Variants in PCED1B observed in about 807,000 individuals in gnomAD.
PCED1B encodes the protein PC-esterase domain containing 1B.
For synonymous variants in PCED1B, 251 were observed against 246.1 expected (o/e 1.02, Z -0.19); for missense variants, 573 against 573.9 (o/e 1.00, Z 0.02).
At chr12:47,155,574 A>C (rs946888962) in intron 2 of PCED1B, among the ~76,000 whole-genome samples, 1 of 152,220 alleles carries the variant, frequency 6.6e-6, no homozygotes, top group African/African-American at 2.4e-5. Flanking sequence ...CCACATATAC[A>C]TTCATTATTT....
intron 2 of PCED1B, among the ~76,000 whole-genome samples, chr12:47,152,874 G>T (rs913337287): frequency 1.1e-4 from 16 of 151,760 alleles, no homozygotes; most frequent in Middle Eastern, 3.2e-3. Context: ...GGTGGAGGTT[G>T]CAGTAAGCCT....
intron 3 of PCED1B, among the ~76,000 whole-genome samples, chr12:47,220,178 A>T (rs988322859): frequency 3.3e-5 from 5 of 151,554 alleles, no homozygotes; most frequent in African/African-American, 1.2e-4. Flanking sequence ...ATTTATTTTT[A>T]ATTTATTTTT....
chr12:47,230,064 G>A (rs960353706), intron 3 of PCED1B, among the ~76,000 whole-genome samples: 35 of 141,668 alleles, frequency 2.5e-4, no homozygotes, highest in African/African-American at 9.3e-4. Context: ...GTGAGCCACT[G>A]CACTCAGCAA....
intron 2 of PCED1B, among the ~76,000 whole-genome samples, chr12:47,153,245 G>A (rs1565570724): frequency 6.6e-6 from 1 of 151,376 alleles, no homozygotes. Flanking sequence ...AGCTACTTGG[G>A]AGGCTGAGGC....
chr12:47,206,932 TCTTGC>T (rs1279075909), intron 2 of PCED1B, among the ~76,000 whole-genome samples: 1 of 152,222 alleles, frequency 6.6e-6, no homozygotes, highest in Non-Finnish European at 1.5e-5. Flanking sequence ...CAGCATTTGC[TCTTGC>T]CTTAGGTAAA....
intron 3 of PCED1B, among the ~76,000 whole-genome samples, chr12:47,234,724 A>G (rs1943917175): frequency 6.6e-6 from 1 of 152,126 alleles, no homozygotes; most frequent in African/African-American, 2.4e-5. Context: ...GCTCCTCCCC[A>G]CCAGGTGGAA....
At chr12:47,178,106 C>T (rs898329293) in intron 2 of PCED1B, among the ~76,000 whole-genome samples, 6 of 152,088 alleles carry the variant, frequency 3.9e-5, no homozygotes, top group Non-Finnish European at 8.8e-5. Context: ...GCCCACATGA[C>T]CAAGAGTAGC....
chr12:47,184,129 G>C (rs1441213591), intron 2 of PCED1B, among the ~76,000 whole-genome samples: 1 of 151,988 alleles, frequency 6.6e-6, no homozygotes, highest in Non-Finnish European at 1.5e-5. Context: ...CTCCCACCTT[G>C]GCCCTCCCAA....
chr12:47,234,091 C>A (rs1433170578), intron 3 of PCED1B, among the ~76,000 whole-genome samples: 1 of 152,208 alleles, frequency 6.6e-6, no homozygotes, highest in Non-Finnish European at 1.5e-5. Context: ...TGGGTCCAAG[C>A]AATTCTCCTG....
At position 47,235,264 on chromosome 12, in the gene PCED1B, G is replaced by A; in HGVS notation, c.201G>A (p.Arg67=). The A allele has an allele frequency of 6.2e-7, 1 of 1,614,080 alleles. No individual in the cohort carries two copies. The highest frequency in any genetic ancestry group is 1.1e-5 in the South Asian group (1 of 91,088). ...EQDELVDGGQ[R]GHMHNGLNYR... Reference sequence around the variant, plus strand: ...ATGAGCTGGTGGACGGAGGCCAGCGGGGCCACATGCACAACGGCCTTAACT... The same window carrying A: ...ATGAGCTGGTGGACGGAGGCCAGCGAGGCCACATGCACAACGGCCTTAACT... The change falls in exon 4 of 4, where the codon CGG becomes CGA. Residue 67 remains arginine, a synonymous_variant. Transcript: ENST00000546455.
intron 2 of PCED1B, among the ~76,000 whole-genome samples, chr12:47,125,204 T>G (rs866594809): frequency 6.6e-6 from 1 of 152,054 alleles, no homozygotes; most frequent in African/African-American, 2.4e-5. Context: ...GCCCAAGGTA[T>G]GGAGAGTCAT....
At chr12:47,120,985 G>A (rs74589856) in intron 2 of PCED1B, among the ~76,000 whole-genome samples, 7 of 152,198 alleles carry the variant, frequency 4.6e-5, no homozygotes, top group Non-Finnish European at 7.4e-5. Flanking sequence ...CTGCCTAGGG[G>A]TGGAAAAAAT....
At chr12:47,136,184 T>C (rs527853423) in intron 2 of PCED1B, among the ~76,000 whole-genome samples, 5 of 151,974 alleles carry the variant, frequency 3.3e-5, no homozygotes, top group African/African-American at 4.8e-5. Flanking sequence ...CCATTTGTAC[T>C]TTTGCTCTGT....
intron 2 of PCED1B, among the ~76,000 whole-genome samples, chr12:47,196,771 G>A (rs963587104): frequency 6.6e-6 from 1 of 152,012 alleles, no homozygotes; most frequent in African/African-American, 2.4e-5. Flanking sequence ...GTTGCAGTGA[G>A]CCAAGATCGT....
chr12:47,224,705 C>T (rs2137856104), intron 3 of PCED1B, among the ~76,000 whole-genome samples: 1 of 152,232 alleles, frequency 6.6e-6, no homozygotes, highest in East Asian at 1.9e-4. Context: ...GGCGTGGTTT[C>T]ATGATGCGGG....
intron 1 of PCED1B, among the ~76,000 whole-genome samples, chr12:47,089,135 A>G (rs928287960): frequency 6.6e-6 from 1 of 152,016 alleles, no homozygotes; most frequent in East Asian, 1.9e-4. Context: ...TTACACATGG[A>G]GAGGGACTTA....
At chr12:47,146,614 C>G (rs1161202756) in intron 2 of PCED1B, among the ~76,000 whole-genome samples, 1 of 152,202 alleles carries the variant, frequency 6.6e-6, no homozygotes, top group Non-Finnish European at 1.5e-5. Context: ...AAGATTACAG[C>G]TTGCCAATGG....
intron 2 of PCED1B, chr12:47,135,720 G>A (rs1025117188): frequency 1.3e-5 from 7 of 531,734 alleles, no homozygotes; most frequent in Non-Finnish European, 2.7e-5. Context: ...GTTGAATAGG[G>A]ACCAGACGAC....
At chr12:47,207,931 C>T (rs1942959461) in intron 2 of PCED1B, among the ~76,000 whole-genome samples, 1 of 152,150 alleles carries the variant, frequency 6.6e-6, no homozygotes, top group Non-Finnish European at 1.5e-5. Flanking sequence ...TTACTTCCTC[C>T]TGAAATTTAA....
Sources: allele counts gnomAD v4.1 joint callset (sites outside exome capture counted in the v4.1 genomes callset), GRCh38; gene constraint gnomAD v4.1.1; transcripts MANE v1.5; gene names NCBI Gene and HGNC (gene_info 2026-07-23, HGNC 2026-07-21).